RBM44: variants seen among roughly 807,000 people sequenced by gnomAD.
The protein encoded by RBM44 is RNA-binding protein 44.
Under a neutral mutation model 105.1 loss-of-function variants are expected in RBM44, and 66 were observed. That is an observed-to-expected ratio of 0.63 (90% CI 0.52 to 0.77). The LOEUF is 0.77. Ranked by LOEUF, RBM44 falls within the 30% of genes least tolerant of loss-of-function variation. The pLI, the probability that RBM44 is intolerant of heterozygous loss-of-function variation, is 0.00. For synonymous variants in RBM44, 365 were observed against 417.6 expected (o/e 0.87, Z 1.54); for missense variants, 1,122 against 1,207.8 (o/e 0.93, Z 1.05).
At chr2:237,819,930 TTTTGGTAAA>T (rs2061765258) in intron 4 of RBM44, among the ~76,000 whole-genome samples, 1 of 151,916 alleles carries the variant, frequency 6.6e-6, no homozygotes. Context: ...ATACTTCCTT[TTTTGGTAAA>T]AGAAAGTATG....
At chr2:237,835,230 A>G (rs1198815) in intron 15 of RBM44, among the ~76,000 whole-genome samples, 51,080 of 151,968 alleles carry the variant, frequency 0.34, 8,913 homozygotes, top group Admixed American at 0.41. Context: ...CTGTTTCCCC[A>G]TCTCTTTCCC....
At position 237,820,190 on chromosome 2, in the gene RBM44, T is replaced by C. The variant is rs538752019; in HGVS notation, c.1752T>C (p.Phe584=). Residue 584 remains phenylalanine, a synonymous_variant, in exon 5 of 16, where the codon TTT becomes TTC. Coordinates refer to ENST00000316997, the MANE Select transcript of RBM44 (RefSeq NM_001080504.3). ...ATTTTTAAAGGGAATTTCAACTTTT[T>C]AAAGATACAGAGAAGGATTTGCCAT... The part of the protein sequence containing the change: ...KKHPEREFQL[F]KDTEKDLPSM... 2 of 1,525,244 alleles carry C rather than the reference T, an allele frequency of 1.3e-6. No individual in the cohort carries two copies. The highest frequency in any genetic ancestry group is 1.8e-6 in the Non-Finnish European group (2 of 1,136,996). The allele number at this position is 1,525,244 out of a possible 1,614,324, so 94.5% of individuals were successfully genotyped here.
At chr2:237,810,640 G>T (rs111875001) in intron 1 of RBM44, among the ~76,000 whole-genome samples, 82 of 152,314 alleles carry the variant, frequency 5.4e-4, no homozygotes, top group African/African-American at 1.9e-3. Flanking sequence ...CAAGGAGGAG[G>T]GAGGGAGAAG....
chr2:237,841,082 G>T lies in RBM44; in HGVS notation c.*23-757G>T, dbSNP rs1216681752. 1.3e-5 allele frequency among the ~76,000 whole-genome samples: 2 copies of T among 152,158 alleles called. No individual in the cohort carries two copies. The highest frequency in any genetic ancestry group is 2.9e-5 in the Non-Finnish European group (2 of 68,038). ...TCCCATTGTTGAGTATATGCCCAAA[G>T]GAATGTAAATCATTGTACCATAAAG... On this transcript the variant is annotated intron_variant, in intron 15 of 15. Transcript: ENST00000316997. This position sits in a 1 kb window ranked among gnomAD's most constrained non-coding sequence, Gnocchi z 4.5.
chr2:237,826,870 T>C (rs955387603), intron 10 of RBM44, among the ~76,000 whole-genome samples: 5 of 152,196 alleles, frequency 3.3e-5, no homozygotes, highest in Non-Finnish European at 5.9e-5. Flanking sequence ...GTAGGTTATA[T>C]GCAAATACTG....
chr2:237,839,459 C>T (rs912601616), intron 15 of RBM44, among the ~76,000 whole-genome samples: 6 of 152,032 alleles, frequency 3.9e-5, no homozygotes, highest in Admixed American at 3.9e-4. Context: ...TTAGTAGAGA[C>T]GGGGTTTCAC....
At chr2:237,825,841 G>C (rs1388886628) in intron 10 of RBM44, among the ~76,000 whole-genome samples, 1 of 152,096 alleles carries the variant, frequency 6.6e-6, no homozygotes, top group East Asian at 1.9e-4. Context: ...AAAATATAAA[G>C]GTAGGTGGTT....
intron 2 of RBM44, 126 bp from the exon 3 acceptor site, chr2:237,816,867 T>C: frequency 1.6e-6 from 1 of 614,202 alleles, no homozygotes. Context: ...AAAGGGATAT[T>C]TTTCATGGAT....
At position 237,817,275 on chromosome 2, in the gene RBM44, C is replaced by G; in HGVS notation, c.356C>G (p.Ser119Ter). 6.2e-7 allele frequency: 1 copy of G among 1,607,196 alleles called. No individual in the cohort carries two copies. Among genetic ancestry groups the G allele is most frequent in the South Asian group, 1.1e-5 (1 of 90,448 alleles). The change falls in exon 3 of 16, where the codon TCA becomes TGA. Residue 119 changes from serine to a stop codon, truncating the protein, a stop_gained. Transcript: ENST00000316997. LOFTEE classifies it high-confidence loss of function. ...ACATATTCTATACCTTATTCAGAGT[C>G]AAAACTAAAGAAGGAAAGTCTTACT... is the stretch of plus-strand genomic sequence containing the variant. ...NKTYSIPYSE[S>*]KLKKESLTPL...
intron 15 of RBM44, among the ~76,000 whole-genome samples, chr2:237,836,773 C>T (rs771703852): frequency 2.8e-5 from 4 of 142,140 alleles, no homozygotes; most frequent in African/African-American, 8.0e-5. Context: ...AGCGAGACTC[C>T]GTCTCAAAAA....
chr2:237,800,631 TAATA>T (rs2061535858), intron 1 of RBM44, among the ~76,000 whole-genome samples: 3 of 152,124 alleles, frequency 2.0e-5, no homozygotes, highest in East Asian at 1.9e-4. Context: ...ATGAATAAAT[TAATA>T]AATATTTGAA....
intron 13 of RBM44, among the ~76,000 whole-genome samples, chr2:237,833,168 A>C (rs2061919622): frequency 6.6e-6 from 1 of 152,238 alleles, no homozygotes. Flanking sequence ...CAATGAACAA[A>C]AGAGACAAAA....
intron 12 of RBM44, among the ~76,000 whole-genome samples, chr2:237,827,890 C>A (rs1244938270): frequency 6.6e-6 from 1 of 152,068 alleles, no homozygotes; most frequent in Non-Finnish European, 1.5e-5. Context: ...AGTTACTTAA[C>A]CTTTCTGTAC....
chr2:237,820,516 G>A (rs1034615155), intron 5 of RBM44, 165 bp downstream of exon 5: 1 of 480,768 alleles, frequency 2.1e-6, no homozygotes, highest in African/African-American at 2.0e-5. Flanking sequence ...GAGTTTCATG[G>A]AGGGGCCACA....
Position 237,824,433 on chromosome 2 carries a change from A to G in RBM44, c.2449+14A>G, listed in dbSNP as rs949960901. ...ATCTTACAGGAGGTTGGTTCTCAAG[A>G]ATTTACCGAGAAATCCTAACCTAGA... On this transcript the variant is annotated intron_variant, in intron 10 of 15. Transcript: ENST00000316997. 3.7e-6 allele frequency: 6 copies of G among 1,608,634 alleles called. No individual in the cohort carries two copies. The East Asian group carries it at 1.3e-4, about 36-fold the overall frequency.
At chr2:237,806,562 A>T (rs1287875871) in intron 1 of RBM44, among the ~76,000 whole-genome samples, 2 of 152,212 alleles carry the variant, frequency 1.3e-5, no homozygotes, top group East Asian at 3.9e-4. Flanking sequence ...ATTGCAGACC[A>T]TGGAAAAAGA....
At position 237,834,396 on chromosome 2, in the gene RBM44, A is replaced by C. The variant is rs1156336171; in HGVS notation, c.3151A>C (p.Ser1051Arg). The stretch of plus-strand genomic sequence containing the variant: ...ATCTCTTCTGAAAAACTCTGCTTCC[A>C]GTTAGGAATTCAAAAAACAATAAAG... Reference protein sequence around the residue: ...TSSLLKNSASS With the variant: ...TSSLLKNSASR The change falls in exon 15 of 16, where the codon AGT becomes CGT. Residue 1051 changes from serine (S) to arginine (R), a missense_variant. Physicochemically the swap from Ser to Arg is moderately radical, Grantham distance 110 (BLOSUM62 -1). Coordinates refer to ENST00000316997, the MANE Select transcript of RBM44 (RefSeq NM_001080504.3). The C allele has an allele frequency of 2.0e-6, 3 of 1,512,294 alleles. No individual in the cohort carries two copies. The highest frequency in any genetic ancestry group is 2.7e-6 in the Non-Finnish European group (3 of 1,130,274). The allele number at this position is 1,512,294 out of a possible 1,614,324, so 93.7% of individuals were successfully genotyped here. A position where few individuals can be genotyped will look rare whatever the true frequency, so the allele number is the denominator to read the frequency against.
chr2:237,807,638 G>A (rs1297334486), intron 1 of RBM44, among the ~76,000 whole-genome samples: 2 of 152,108 alleles, frequency 1.3e-5, no homozygotes, highest in African/African-American at 4.8e-5. Flanking sequence ...GCTTTTGACA[G>A]CCTTAGGGCA....
At chr2:237,816,466 C>T (rs191073206) in intron 2 of RBM44, among the ~76,000 whole-genome samples, 50 of 152,222 alleles carry the variant, frequency 3.3e-4, no homozygotes, top group African/African-American at 1.2e-3. Flanking sequence ...TTCTTCCCAT[C>T]GAAAGAATTC....
Sources: allele counts gnomAD v4.1 joint callset (sites outside exome capture counted in the v4.1 genomes callset), GRCh38; gene constraint gnomAD v4.1.1; non-coding constraint Gnocchi (gnomAD v3.1); transcripts MANE v1.5; gene names NCBI Gene and HGNC (gene_info 2026-07-23, HGNC 2026-07-21).